Variants in GALNT18 observed in about 807,000 individuals in gnomAD.
The protein encoded by GALNT18 is polypeptide N-acetylgalactosaminyltransferase 18.
A neutral mutation model predicts 69.5 loss-of-function variants in GALNT18; 44 were observed. That is an observed-to-expected ratio of 0.63 (90% CI 0.50 to 0.81). GALNT18 has a LOEUF of 0.81. Among genes scored for constraint, GALNT18 ranks in the 40% least tolerant of loss-of-function variants. The pLI, the probability that GALNT18 is intolerant of heterozygous loss-of-function variation, is 0.00. For missense variants in GALNT18, 715 were observed against 810.0 expected (o/e 0.88, Z 1.42); for synonymous variants, 364 against 318.2 (o/e 1.14, Z -1.53).
At chr11:11,293,574 T>TC (rs1393873497) in intron 9 of GALNT18, among the ~76,000 whole-genome samples, 1 of 134,960 alleles carries the variant, frequency 7.4e-6, no homozygotes, top group Admixed American at 8.2e-5. Context: ...AGAGTCTTGC[T>TC]CTGTTGCCCA....
rs1031285653 is a variant in GALNT18 at position 11,461,573 on chromosome 11, C to T, written c.236-12637G>A. 4.6e-5 allele frequency among the ~76,000 whole-genome samples: 7 copies of T among 152,192 alleles called. No individual in the cohort carries two copies. The highest frequency in any genetic ancestry group is 8.8e-5 in the Non-Finnish European group (6 of 68,032). ...TACCGTTATCCCCCCCGCTCCCGCC[C>T]GCCACCGAGCTGACAGCCCGGAGCT... On this transcript the variant is annotated intron_variant, in intron 1 of 10. Coordinates refer to ENST00000227756, the MANE Select transcript of GALNT18 (RefSeq NM_198516.3). This position sits in a 1 kb window ranked among gnomAD's most constrained non-coding sequence, Gnocchi z 4.1.
chr11:11,283,707 A>G (rs1849134467), intron 10 of GALNT18, among the ~76,000 whole-genome samples: 1 of 152,204 alleles, frequency 6.6e-6, no homozygotes, highest in African/African-American at 2.4e-5. Flanking sequence ...CCTGTCATCT[A>G]CATTATTTGT....
Position 11,340,596 on chromosome 11 carries a change from C to T in GALNT18, c.1278+223G>A, listed in dbSNP as rs1285925093. ...ACACTAAGATCCAGAGAGAAGTCCT[C>T]ATCAAGCATGCTGACCAGGGATTAG... On this transcript the variant is annotated intron_variant, in intron 7 of 10. Coordinates refer to ENST00000227756, the MANE Select transcript of GALNT18 (RefSeq NM_198516.3). This position sits in a 1 kb window ranked among gnomAD's most constrained non-coding sequence, Gnocchi z 4.2. Among the ~76,000 whole-genome samples the T allele has an allele frequency of 3.3e-5, 5 of 152,296 alleles. No homozygotes were observed. The East Asian group carries it at 9.6e-4, about 29-fold the overall frequency.
intron 9 of GALNT18, among the ~76,000 whole-genome samples, chr11:11,305,672 C>T (rs1036036760): frequency 3.9e-5 from 6 of 152,200 alleles, no homozygotes; most frequent in South Asian, 2.1e-4. Context: ...TGCCAACCTC[C>T]GAGGATGTTG....
At position 11,584,554 on chromosome 11, in the gene GALNT18, G is replaced by A. The variant is rs115241789; in HGVS notation, c.235+36805C>T. ...AAGGACCGAGAGGCGAGTCTTCAGT[G>A]AAACACCCACAGAGAGCCGTTTGCC... On this transcript the variant is annotated intron_variant, in intron 1 of 10. Coordinates refer to ENST00000227756, the MANE Select transcript of GALNT18 (RefSeq NM_198516.3). The surrounding 1 kb of genome is among the most constrained non-coding windows in gnomAD (Gnocchi z 4.1). 0.011 allele frequency among the ~76,000 whole-genome samples: 1,608 copies of A among 152,276 alleles called. 22 individuals carry two copies. The highest frequency in any genetic ancestry group is 0.034 in the African/African-American group (1,396 of 41,550).
At chr11:11,286,111 C>T (rs1849188354) in intron 10 of GALNT18, among the ~76,000 whole-genome samples, 1 of 152,108 alleles carries the variant, frequency 6.6e-6, no homozygotes, top group African/African-American at 2.4e-5. Context: ...CCCTGCATAC[C>T]CTTGAACTCT....
At position 11,315,325 on chromosome 11, in the gene GALNT18, G is replaced by A. The variant is rs1849734125; in HGVS notation, c.1512+11761C>T. ...CTTTCAGTGGTGCCATCAGGAAAGA[G>A]TGAGACTGCAGGCTGGATTAATGAA... On this transcript the variant is annotated intron_variant, in intron 9 of 10. Coordinates refer to ENST00000227756, the MANE Select transcript of GALNT18 (RefSeq NM_198516.3). This position sits in a 1 kb window ranked among gnomAD's most constrained non-coding sequence, Gnocchi z 5.6. Among the ~76,000 whole-genome samples the A allele has an allele frequency of 6.6e-6, 1 of 152,146 alleles. No homozygotes were observed.
At position 11,356,316 on chromosome 11, in the gene GALNT18, A is replaced by G. The variant is rs1206311296; in HGVS notation, c.1093-15312T>C. 6.6e-6 allele frequency among the ~76,000 whole-genome samples: 1 copy of G among 152,150 alleles called. No homozygotes were observed. Among genetic ancestry groups the G allele is most frequent in the Admixed American group, 6.5e-5 (1 of 15,288 alleles). On this transcript the variant is annotated intron_variant, in intron 6 of 10. Coordinates refer to ENST00000227756, the MANE Select transcript of GALNT18 (RefSeq NM_198516.3). The surrounding 1 kb of genome is among the most constrained non-coding windows in gnomAD (Gnocchi z 4.4). ...TTGCTTGGTGGTCTCTTCCAGGAAA[A>G]CTAGAATAACAATGTAATGGTGGCC...
chr11:11,381,627 C>T (rs1046501420), intron 3 of GALNT18, among the ~76,000 whole-genome samples: 3 of 152,164 alleles, frequency 2.0e-5, no homozygotes, highest in Non-Finnish European at 4.4e-5. Context: ...TGCGCAAGTT[C>T]CAGGCCTTTT....
At position 11,614,359 on chromosome 11, in the gene GALNT18, AGAAGAGGAG is replaced by A. The variant is rs1178114741; in HGVS notation, c.235+6991_235+6999del. Among the ~76,000 whole-genome samples the A allele has an allele frequency of 6.1e-5, 7 of 114,058 alleles. No homozygotes were observed. Among genetic ancestry groups the A allele is most frequent in the African/African-American group, 3.1e-4 (7 of 22,484 alleles). The allele number at this position is 114,058 out of a possible 152,430, so 74.8% of individuals were successfully genotyped here. On this transcript the variant is annotated intron_variant, in intron 1 of 10. Coordinates refer to ENST00000227756, the MANE Select transcript of GALNT18 (RefSeq NM_198516.3). The surrounding 1 kb of genome is among the most constrained non-coding windows in gnomAD (Gnocchi z 5.6). Reference sequence around the variant, plus strand: ...AGGCAAGAGAGTGAGGAGAAGAAGAAGAAGAGGAGGAGGAGGAGGAGGAGGAGGAGGAGG... The same window carrying A: ...AGGCAAGAGAGTGAGGAGAAGAAGAAGAGGAGGAGGAGGAGGAGGAGGAGG...
chr11:11,556,558 T>C (rs1308193573), intron 1 of GALNT18, among the ~76,000 whole-genome samples: 1 of 152,268 alleles, frequency 6.6e-6, no homozygotes, highest in Non-Finnish European at 1.5e-5. Flanking sequence ...TCCAGTTTCC[T>C]ACCTCTGTTG....
At chr11:11,526,748 T>TA (rs1482938045) in intron 1 of GALNT18, among the ~76,000 whole-genome samples, 1 of 152,194 alleles carries the variant, frequency 6.6e-6, no homozygotes, top group Non-Finnish European at 1.5e-5. Context: ...TATTGGCTCT[T>TA]AAATTTTCCA....
In GALNT18 at chr11:11,465,797, G is replaced by A. The variant is rs757526349; in HGVS notation, c.236-16861C>T. Among the ~76,000 whole-genome samples, 6 of 152,158 alleles carry A rather than the reference G, an allele frequency of 3.9e-5. No individual in the cohort carries two copies. In the South Asian group the frequency reaches 6.2e-4, roughly 16 times the overall value. The stretch of plus-strand genomic sequence containing the variant: ...CCAGGAGGATGTGGAATTACTGCAC[G>A]ATATTTATGTAGGGTACTCAGCTAT... On this transcript the variant is annotated intron_variant, in intron 1 of 10. Coordinates refer to ENST00000227756, the MANE Select transcript of GALNT18 (RefSeq NM_198516.3). The surrounding 1 kb of genome is among the most constrained non-coding windows in gnomAD (Gnocchi z 5.7).
chr11:11,287,440 GC>G, intron 10 of GALNT18, among the ~76,000 whole-genome samples: 7 of 152,108 alleles, frequency 4.6e-5, no homozygotes, highest in African/African-American at 1.7e-4. Flanking sequence ...TCAGTCCTCT[GC>G]TTTGCTTGAC....
In GALNT18 at chr11:11,347,360, C is replaced by T. The variant is rs1850322025; in HGVS notation, c.1093-6356G>A. ...TTCTACTCCAAGACTCATGACTGCT[C>T]CATAGTCTATGACAGGGATGGCAAA... On this transcript the variant is annotated intron_variant, in intron 6 of 10. Transcript: ENST00000227756. The surrounding 1 kb of genome is among the most constrained non-coding windows in gnomAD (Gnocchi z 4.0). Among the ~76,000 whole-genome samples, 1 of 152,198 alleles carries T rather than the reference C, an allele frequency of 6.6e-6. No homozygotes were observed. The highest frequency in any genetic ancestry group is 2.4e-5 in the African/African-American group (1 of 41,448).
chr11:11,533,686 T>C (rs1170586420), intron 1 of GALNT18, among the ~76,000 whole-genome samples: 3 of 152,264 alleles, frequency 2.0e-5, no homozygotes, highest in Non-Finnish European at 4.4e-5. Context: ...TCTGGCTTTT[T>C]TTCCTGCACT....
intron 1 of GALNT18, among the ~76,000 whole-genome samples, chr11:11,581,506 T>C (rs1859083928): frequency 6.6e-6 from 1 of 152,060 alleles, no homozygotes; most frequent in Non-Finnish European, 1.5e-5. Flanking sequence ...CACGCTACAG[T>C]GAGACCCCAG....
intron 9 of GALNT18, among the ~76,000 whole-genome samples, chr11:11,324,756 T>G (rs1213019804): frequency 6.6e-6 from 1 of 151,870 alleles, no homozygotes; most frequent in Non-Finnish European, 1.5e-5. Flanking sequence ...GAGTATGTGT[T>G]TTTTTTTTCT....
chr11:11,410,576 A>G (rs1234980476), intron 3 of GALNT18, among the ~76,000 whole-genome samples: 1 of 152,150 alleles, frequency 6.6e-6, no homozygotes, highest in Non-Finnish European at 1.5e-5. Flanking sequence ...ATTAATTTCC[A>G]TTTACCATCC....
Sources: allele counts gnomAD v4.1 joint callset (sites outside exome capture counted in the v4.1 genomes callset), GRCh38; gene constraint gnomAD v4.1.1; non-coding constraint Gnocchi (gnomAD v3.1); transcripts MANE v1.5; gene names NCBI Gene and HGNC (gene_info 2026-07-23, HGNC 2026-07-21).